The following ZFYVE9 variants were observed in gnomAD, a reference collection of about 807,000 sequenced individuals.
ZFYVE9 encodes the protein zinc finger FYVE domain-containing protein 9.
Under a neutral mutation model 126.7 loss-of-function variants are expected in ZFYVE9, and 43 were observed. The observed-to-expected ratio is 0.34, with a 90% CI of 0.27 to 0.44. The LOEUF is 0.44. Ranked by LOEUF, ZFYVE9 falls within the 20% of genes least tolerant of loss-of-function variation. ZFYVE9 has a pLI of 1.00. For synonymous variants in ZFYVE9, 521 were observed against 597.4 expected, an observed-to-expected ratio of 0.87 and a Z score of 1.87; for missense variants, 1,476 against 1,697.0, an observed-to-expected ratio of 0.87 and a Z score of 2.29.
intron 1 of ZFYVE9, among the ~76,000 whole-genome samples, chr1:52,157,099 T>C (rs1404026424): frequency 1.3e-5 from 2 of 152,194 alleles, no homozygotes; most frequent in East Asian, 3.9e-4. Context: ...CCGAAAGTGC[T>C]GGGATTACAG....
At chr1:52,184,581 TG>T (rs1204495668) in intron 1 of ZFYVE9, among the ~76,000 whole-genome samples, 2 of 7,870 alleles carry the variant, frequency 2.5e-4, no homozygotes, top group Admixed American at 3.3e-3. Flanking sequence ...TTTCCATTTT[TG>T]GGTGGCGGGT....
rs541026144 is a variant in ZFYVE9, at chr1:52,197,117, T to C, written c.-142-19252T>C. Among the ~76,000 whole-genome samples the C allele has an allele frequency of 4.6e-5, 7 of 152,194 alleles. No individual in the cohort carries two copies. The Middle Eastern group carries it at 0.01, about 222-fold the overall frequency. Reference sequence around the variant, plus strand: ...GTAGATATAAGAATATTATTGAAGATAGTATTTCAGTAATCCAGATGTGAG... The same window carrying C: ...GTAGATATAAGAATATTATTGAAGACAGTATTTCAGTAATCCAGATGTGAG... On this transcript the variant is annotated intron_variant, in intron 1 of 18. Transcript: ENST00000287727.
At chr1:52,161,658 A>G (rs1400127852) in intron 1 of ZFYVE9, among the ~76,000 whole-genome samples, 1 of 152,212 alleles carries the variant, frequency 6.6e-6, no homozygotes, top group East Asian at 1.9e-4. Flanking sequence ...TCTCTAAAAA[A>G]TGACTTAATT....
intron 1 of ZFYVE9, among the ~76,000 whole-genome samples, chr1:52,190,771 T>C (rs972708050): frequency 6.6e-6 from 1 of 152,206 alleles, no homozygotes; most frequent in South Asian, 2.1e-4. Context: ...TTAATTTTTA[T>C]TGAGATTAAA....
intron 2 of ZFYVE9, among the ~76,000 whole-genome samples, chr1:52,220,067 C>T (rs965874628): frequency 2.6e-5 from 4 of 152,120 alleles, no homozygotes; most frequent in African/African-American, 9.7e-5. Context: ...TGAGCCACCA[C>T]ACCCTGCCAG....
chr1:52,345,969 C>T, intron 18 of ZFYVE9, 91 bp from the exon 19 acceptor site: 1 of 1,333,366 alleles, frequency 7.5e-7, no homozygotes, highest in Non-Finnish European at 1.0e-6. Flanking sequence ...CCAAAAAGGA[C>T]ATCTCCTTTC....
intron 1 of ZFYVE9, among the ~76,000 whole-genome samples, chr1:52,172,312 G>C (rs998048687): frequency 4.6e-5 from 7 of 152,138 alleles, no homozygotes; most frequent in Admixed American, 3.3e-4. Context: ...GATAGTTGTA[G>C]ATATGCGGCG....
At chr1:52,223,993 T>A (rs570155117) in intron 2 of ZFYVE9, among the ~76,000 whole-genome samples, 1 of 152,324 alleles carries the variant, frequency 6.6e-6, no homozygotes, top group South Asian at 2.1e-4. Flanking sequence ...GATCTGCGAT[T>A]CCAAAAGGGT....
chr1:52,202,073 C>T (rs545018933), intron 1 of ZFYVE9, among the ~76,000 whole-genome samples: 20 of 152,148 alleles, frequency 1.3e-4, no homozygotes, highest in African/African-American at 3.6e-4. Context: ...CGTGAGCCAC[C>T]GCACACAGCC....
At chr1:52,305,766 G>A (rs556409910) in intron 13 of ZFYVE9, among the ~76,000 whole-genome samples, 2 of 152,226 alleles carry the variant, frequency 1.3e-5, no homozygotes, top group South Asian at 2.1e-4. Flanking sequence ...AGGCATCCTC[G>A]TGCTTGGGAA....
At chr1:52,177,713 C>T (rs1478287762) in intron 1 of ZFYVE9, among the ~76,000 whole-genome samples, 1 of 152,160 alleles carries the variant, frequency 6.6e-6, no homozygotes, top group East Asian at 1.9e-4. Context: ...GAAAAATTAA[C>T]AGGAGTTCTC....
intron 13 of ZFYVE9, among the ~76,000 whole-genome samples, chr1:52,320,467 T>C (rs1646229123): frequency 6.6e-6 from 1 of 152,204 alleles, no homozygotes; most frequent in South Asian, 2.1e-4. Context: ...AGTCAAAACA[T>C]AGATGCTTAC....
intron 16 of ZFYVE9, 78 bp downstream of exon 16, chr1:52,338,012 T>A: frequency 6.8e-7 from 1 of 1,471,934 alleles, no homozygotes; most frequent in East Asian, 2.4e-5. Context: ...TCTACATTGG[T>A]GTTTTATAGT....
chr1:52,306,702 G>A (rs564476410), intron 13 of ZFYVE9, among the ~76,000 whole-genome samples: 4 of 152,240 alleles, frequency 2.6e-5, no homozygotes, highest in African/African-American at 9.6e-5. Flanking sequence ...TTGGGGCCCT[G>A]TGGTTACTGA....
intron 4 of ZFYVE9, among the ~76,000 whole-genome samples, chr1:52,251,255 A>G (rs566025023): frequency 6.6e-6 from 1 of 152,130 alleles, no homozygotes; most frequent in East Asian, 1.9e-4. Context: ...TATTTTTAGT[A>G]GAGACAGGGT....
intron 4 of ZFYVE9, among the ~76,000 whole-genome samples, chr1:52,243,218 C>T (rs1370500680): frequency 6.6e-6 from 1 of 152,106 alleles, no homozygotes; most frequent in Non-Finnish European, 1.5e-5. Flanking sequence ...ATGTTGTGCT[C>T]CCCACCCTCA....
At chr1:52,267,127 G>C (rs1645641193) in intron 6 of ZFYVE9, among the ~76,000 whole-genome samples, 1 of 152,176 alleles carries the variant, frequency 6.6e-6, no homozygotes, top group Admixed American at 6.6e-5. Flanking sequence ...AGAATTTGAA[G>C]TCAATCTGTA....
chr1:52,252,836 A>G, intron 4 of ZFYVE9: 2 of 299,152 alleles, frequency 6.7e-6, no homozygotes, highest in South Asian at 6.0e-5. Flanking sequence ...GCGGCCAACA[A>G]TGACACACCT....
At chr1:52,157,337 T>C (rs1237345546) in intron 1 of ZFYVE9, among the ~76,000 whole-genome samples, 1 of 151,342 alleles carries the variant, frequency 6.6e-6, no homozygotes, top group African/African-American at 2.4e-5. Context: ...ATTATATATA[T>C]TAAGCAGCAC....
Sources: gnomAD v4.1 joint callset for allele counts (sites outside exome capture counted in the v4.1 genomes callset) on GRCh38, gnomAD v4.1.1 for gene constraint, MANE v1.5 for transcripts, NCBI Gene and HGNC (gene_info 2026-07-23, HGNC 2026-07-21) for gene names.